The following TSHZ2 variants were observed in gnomAD, a reference collection of about 807,000 sequenced individuals.
TSHZ2 encodes the protein teashirt zinc finger homeobox 2.
Under a neutral mutation model 74.4 loss-of-function variants are expected in TSHZ2, and 21 were observed. The observed-to-expected ratio is 0.28, with a 90% CI of 0.20 to 0.41. TSHZ2 has a LOEUF of 0.41. Among genes scored for constraint, TSHZ2 ranks in the 10% least tolerant of loss-of-function variants. The probability of loss-of-function intolerance (pLI) is 1.00; values close to 1 mark genes in which losing one functional copy is unlikely to be tolerated. For synonymous variants in TSHZ2, 540 were observed against 515.3 expected, an observed-to-expected ratio of 1.05 and a Z score of -0.65; for missense variants, 1,244 against 1,293.5, an observed-to-expected ratio of 0.96 and a Z score of 0.59.
intron 1 of TSHZ2, among the ~76,000 whole-genome samples, chr20:53,115,742 G>C (rs1468342355): frequency 6.6e-6 from 1 of 152,152 alleles, no homozygotes; most frequent in African/African-American, 2.4e-5. Flanking sequence ...CAAGGTGAGA[G>C]AATGAGTCTG....
chr20:53,131,338 C>T (rs931542880), intron 1 of TSHZ2, among the ~76,000 whole-genome samples: 2 of 152,182 alleles, frequency 1.3e-5, no homozygotes, highest in Non-Finnish European at 2.9e-5. Context: ...GCCTTGTCAT[C>T]TTCATTTTCT....
intron 1 of TSHZ2, among the ~76,000 whole-genome samples, chr20:52,989,960 TTA>T (rs945666352): frequency 6.6e-6 from 1 of 151,444 alleles, no homozygotes; most frequent in Non-Finnish European, 1.5e-5. Flanking sequence ...TACATACTAA[TTA>T]TATATATATA....
intron 1 of TSHZ2, among the ~76,000 whole-genome samples, chr20:53,170,560 A>G (rs987099663): frequency 1.1e-4 from 16 of 152,228 alleles, no homozygotes; most frequent in African/African-American, 3.6e-4. Context: ...GGCACTGTAC[A>G]CTGTTGAGCA....
chr20:53,168,462 G>T (rs1170860939), intron 1 of TSHZ2, among the ~76,000 whole-genome samples: 2 of 152,192 alleles, frequency 1.3e-5, no homozygotes, highest in East Asian at 3.8e-4. Flanking sequence ...CCTGAAGCTA[G>T]AAATAACATC....
intron 2 of TSHZ2, among the ~76,000 whole-genome samples, chr20:53,411,511 T>C (rs1446067158): frequency 1.3e-5 from 2 of 151,636 alleles, no homozygotes; most frequent in Admixed American, 6.6e-5. Context: ...TGAACCTGTT[T>C]CCTCACCTTA....
At chr20:53,436,134 CTG>C (rs1364768165) in intron 2 of TSHZ2, among the ~76,000 whole-genome samples, 4 of 148,486 alleles carry the variant, frequency 2.7e-5, no homozygotes, top group African/African-American at 9.9e-5. Context: ...TATGGCTGGG[CTG>C]TTTTTTGTGC....
chr20:53,230,402 C>T (rs899027180), intron 1 of TSHZ2, among the ~76,000 whole-genome samples: 4 of 152,118 alleles, frequency 2.6e-5, no homozygotes, highest in South Asian at 2.1e-4. Context: ...TAACCATTCA[C>T]ATCAACAAAG....
At chr20:53,001,195 C>T (rs62206631) in intron 1 of TSHZ2, among the ~76,000 whole-genome samples, 4 of 63,468 alleles carry the variant, frequency 6.3e-5, no homozygotes, top group East Asian at 3.0e-4. Flanking sequence ...GTTGTGTGTG[C>T]GTTCATGTGC....
chr20:53,005,208 G>A (rs1195477407), intron 1 of TSHZ2, among the ~76,000 whole-genome samples: 1 of 152,030 alleles, frequency 6.6e-6, no homozygotes, highest in East Asian at 1.9e-4. Context: ...AGCTACTTGG[G>A]AGGCTGAGCC....
chr20:53,391,292 A>AC, intron 2 of TSHZ2, among the ~76,000 whole-genome samples: 1 of 151,910 alleles, frequency 6.6e-6, no homozygotes, highest in South Asian at 2.1e-4. Flanking sequence ...GACTACAGGC[A>AC]CCCGCCACCA....
intron 2 of TSHZ2, among the ~76,000 whole-genome samples, chr20:53,386,040 A>G (rs1982032974): frequency 6.6e-6 from 1 of 152,126 alleles, no homozygotes; most frequent in South Asian, 2.1e-4. Flanking sequence ...CCTGCCTCCA[A>G]ATGAGCCTGG....
At chr20:53,460,340 C>T (rs895968121) in intron 2 of TSHZ2, among the ~76,000 whole-genome samples, 8 of 152,096 alleles carry the variant, frequency 5.3e-5, no homozygotes, top group Admixed American at 1.3e-4. Context: ...TTGATCGCAT[C>T]GGCTCCTGAG....
At chr20:53,332,868 C>T (rs1394107874) in intron 2 of TSHZ2, among the ~76,000 whole-genome samples, 2 of 152,208 alleles carry the variant, frequency 1.3e-5, no homozygotes, top group Non-Finnish European at 2.9e-5. Flanking sequence ...CCTTCAAGAA[C>T]ACTGGCATGC....
At chr20:53,282,630 G>C (rs1991086340) in intron 2 of TSHZ2, among the ~76,000 whole-genome samples, 1 of 152,172 alleles carries the variant, frequency 6.6e-6, no homozygotes, top group South Asian at 2.1e-4. Flanking sequence ...AACATACTGA[G>C]GGTGACCATG....
chr20:53,231,115 T>C (rs1024552406), intron 1 of TSHZ2, among the ~76,000 whole-genome samples: 1 of 152,196 alleles, frequency 6.6e-6, no homozygotes, highest in African/African-American at 2.4e-5. Context: ...TCAGTGTATC[T>C]GGAGTTGAAG....
chr20:53,300,248 T>C (rs773868938), intron 2 of TSHZ2, among the ~76,000 whole-genome samples: 2 of 152,156 alleles, frequency 1.3e-5, no homozygotes, highest in African/African-American at 2.4e-5. Flanking sequence ...CTGCAGCAAA[T>C]GTCAAACCTT....
chr20:53,317,690 C>T (rs1275902294), intron 2 of TSHZ2, among the ~76,000 whole-genome samples: 1 of 152,142 alleles, frequency 6.6e-6, no homozygotes, highest in African/African-American at 2.4e-5. Flanking sequence ...AGAGTGTCGG[C>T]GTGAATTGTA....
chr20:53,094,937 A>C (rs1490489333), intron 1 of TSHZ2, among the ~76,000 whole-genome samples: 1 of 152,214 alleles, frequency 6.6e-6, no homozygotes, highest in Admixed American at 6.5e-5. Flanking sequence ...AGAAATTTGC[A>C]GATGCCTTCT....
chr20:53,257,018 G>A (rs1990497098), intron 2 of TSHZ2, among the ~76,000 whole-genome samples: 1 of 152,238 alleles, frequency 6.6e-6, no homozygotes, highest in African/African-American at 2.4e-5. Context: ...ATTGGAGAGT[G>A]CTAGAAGTAG....
Sources: allele counts gnomAD v4.1 joint callset (sites outside exome capture counted in the v4.1 genomes callset), GRCh38; gene constraint gnomAD v4.1.1; transcripts MANE v1.5; gene names NCBI Gene and HGNC (gene_info 2026-07-23, HGNC 2026-07-21).